Variants in JPH3 observed in about 807,000 individuals in gnomAD.
JPH3 encodes the protein junctophilin 3.
Under a neutral mutation model 59.6 loss-of-function variants are expected in JPH3, and 11 were observed. The observed-to-expected ratio is 0.18, with a 90% CI of 0.12 to 0.31. The LOEUF is 0.31. Ranked by LOEUF, JPH3 falls within the 10% of genes least tolerant of loss-of-function variation. JPH3 has a pLI of 1.00. For missense variants in JPH3, 1,202 were observed against 1,105.7 expected (o/e 1.09, Z -1.24); for synonymous variants, 673 against 483.6 (o/e 1.39, Z -5.14).
chr16:87,673,921 G>A lies in JPH3; in HGVS notation c.1161-10221G>A, dbSNP rs189529943. ...AGTCTGGGTGACACAGCGAGACTCT[G>A]TCTCAAAAAAATAAAATATAAATAA... On this transcript the variant is annotated intron_variant, in intron 2 of 4. Transcript: ENST00000284262. Among the ~76,000 whole-genome samples the A allele has an allele frequency of 3.0e-3, 450 of 151,420 alleles. 2 individuals carry two copies. Among genetic ancestry groups the A allele is most frequent in the African/African-American group, 0.011 (438 of 41,268 alleles).
At chr16:87,658,818 G>C (rs2032598422) in intron 2 of JPH3, among the ~76,000 whole-genome samples, 1 of 152,260 alleles carries the variant, frequency 6.6e-6, no homozygotes, top group Non-Finnish European at 1.5e-5. Flanking sequence ...GGGGCTTGCT[G>C]TGGGGCTGGT....
At chr16:87,691,681 C>A (rs988491069) in intron 4 of JPH3, among the ~76,000 whole-genome samples, 2 of 152,184 alleles carry the variant, frequency 1.3e-5, no homozygotes, top group African/African-American at 4.8e-5. Context: ...CTGTTTCTGC[C>A]TCTCCTTGGA....
chr16:87,603,296 G>C lies in JPH3; in HGVS notation c.150G>C (p.Leu50=). 6.2e-7 allele frequency: 1 copy of C among 1,613,478 alleles called. No homozygotes were observed. Among genetic ancestry groups the C allele is most frequent in the Non-Finnish European group, 8.5e-7 (1 of 1,179,902 alleles). Residue 50 remains leucine, a synonymous_variant, in exon 1 of 5, where the codon CTG becomes CTC. Transcript: ENST00000284262. ...CGTGGAGCCACGGCTTCGAGGTGCTGGGCGTCTACACCTGGCCCAGCGGCA... is the reference window on the plus strand; with the variant it reads ...CGTGGAGCCACGGCTTCGAGGTGCTCGGCGTCTACACCTGGCCCAGCGGCA... The part of the protein sequence containing the change: ...TGSWSHGFEV[L]GVYTWPSGNT...
At position 87,696,935 on chromosome 16, in the gene JPH3, G is replaced by C; in HGVS notation, c.*275G>C. ...CACGCAGCCCCTCCAGCTCCACGTG[G>C]AGACAGAAGGGATCCCGGCACATCA... is the stretch of plus-strand genomic sequence containing the variant. On this transcript the variant is annotated 3_prime_UTR_variant, in exon 5 of 5. Coordinates refer to ENST00000284262, the MANE Select transcript of JPH3 (RefSeq NM_020655.4). 4.5e-6 allele frequency: 2 copies of C among 443,262 alleles called. No homozygotes were observed. The highest frequency in any genetic ancestry group is 8.4e-6 in the Non-Finnish European group (2 of 239,084). The allele number at this position is 443,262 out of a possible 1,614,324, so 27.5% of individuals were successfully genotyped here. A position where few individuals can be genotyped will look rare whatever the true frequency, so the allele number is the denominator to read the frequency against.
Position 87,697,958 on chromosome 16 carries a change from C to A in JPH3, c.*1298C>A, listed in dbSNP as rs1042989701. 2 of 152,558 alleles carry A rather than the reference C, an allele frequency of 1.3e-5. No homozygotes were observed. Among genetic ancestry groups the A allele is most frequent in the African/African-American group, 4.8e-5 (2 of 41,450 alleles). 9.5% of individuals were successfully genotyped at this position (152,558 alleles called of 1,614,324 possible). A position where few individuals can be genotyped will look rare whatever the true frequency, so the allele number is the denominator to read the frequency against. The stretch of plus-strand genomic sequence containing the variant: ...GGTCCGGGCACGGCCATACGCAGGA[C>A]CCCTGTGCCCGGGGAGGCGCTGCAG... On this transcript the variant is annotated 3_prime_UTR_variant, in exon 5 of 5. Transcript: ENST00000284262.
intron 1 of JPH3, among the ~76,000 whole-genome samples, chr16:87,633,268 G>A (rs1032385847): frequency 4.0e-5 from 6 of 151,384 alleles, no homozygotes; most frequent in Non-Finnish European, 7.4e-5. Flanking sequence ...AAGACACCAG[G>A]CCTATTGGAT....
chr16:87,669,084 C>T (rs867009307), intron 2 of JPH3, among the ~76,000 whole-genome samples: 1 of 152,324 alleles, frequency 6.6e-6, no homozygotes, highest in African/African-American at 2.4e-5. Context: ...GGCACAGGGG[C>T]GTGGAGGCGT....
Position 87,602,907 on chromosome 16 carries a change from C to T in JPH3, c.-240C>T, listed in dbSNP as rs2030302635. On this transcript the variant is annotated 5_prime_UTR_variant, in exon 1 of 5. Transcript: ENST00000284262. Reference sequence around the variant, plus strand: ...CCTCCGGTCCTGTCTCCAGCGGGAGCGCGAGACGCTGGTCAGGCTCCGCGG... The same window carrying T: ...CCTCCGGTCCTGTCTCCAGCGGGAGTGCGAGACGCTGGTCAGGCTCCGCGG... 3.5e-6 allele frequency: 1 copy of T among 288,766 alleles called. No individual in the cohort carries two copies. The highest frequency in any genetic ancestry group is 6.4e-6 in the Non-Finnish European group (1 of 157,344). 17.9% of individuals were successfully genotyped at this position (288,766 alleles called of 1,614,324 possible).
At chr16:87,648,864 C>A (rs1380637876) in intron 2 of JPH3, among the ~76,000 whole-genome samples, 1 of 152,186 alleles carries the variant, frequency 6.6e-6, no homozygotes, top group Non-Finnish European at 1.5e-5. Context: ...CTCATCATGT[C>A]TAGGTGGGGG....
At chr16:87,649,849 C>T (rs975969021) in intron 2 of JPH3, among the ~76,000 whole-genome samples, 8 of 152,174 alleles carry the variant, frequency 5.3e-5, no homozygotes, top group African/African-American at 1.9e-4. Context: ...CGGGGTGGCC[C>T]ATGTGAAAGC....
intron 1 of JPH3, among the ~76,000 whole-genome samples, chr16:87,631,694 C>T (rs1433407623): frequency 1.3e-5 from 2 of 152,144 alleles, no homozygotes; most frequent in African/African-American, 2.4e-5. Flanking sequence ...TTCTAGAACT[C>T]CTGCTGTTTA....
At chr16:87,615,710 C>T (rs756211957) in intron 1 of JPH3, among the ~76,000 whole-genome samples, 2 of 152,214 alleles carry the variant, frequency 1.3e-5, no homozygotes, top group African/African-American at 2.4e-5. Context: ...CCAGGAATGC[C>T]GGGGAGGGTC....
intron 1 of JPH3, among the ~76,000 whole-genome samples, chr16:87,642,592 G>A (rs1369093417): frequency 2.0e-5 from 3 of 152,244 alleles, no homozygotes; most frequent in Admixed American, 1.3e-4. Flanking sequence ...AGTTGGAAGA[G>A]TGGTGGACGG....
At chr16:87,677,824 C>G (rs1011694712) in intron 2 of JPH3, among the ~76,000 whole-genome samples, 1 of 152,242 alleles carries the variant, frequency 6.6e-6, no homozygotes, top group African/African-American at 2.4e-5. Context: ...CCACGAACCA[C>G]AATCACAGAA....
At chr16:87,606,632 T>G (rs1350882075) in intron 1 of JPH3, among the ~76,000 whole-genome samples, 1 of 152,206 alleles carries the variant, frequency 6.6e-6, no homozygotes, top group African/African-American at 2.4e-5. Context: ...TTACAAAAGG[T>G]TGATAACAAT....
Position 87,604,496 on chromosome 16 carries a change from G to C in JPH3, c.382+968G>C, listed in dbSNP as rs1027266397. ...CCCCGACCAGTCCACTCCCATGTGG[G>C]AGCTTATCCTCAGAGGCACTGGGTC... On this transcript the variant is annotated intron_variant, in intron 1 of 4. Transcript: ENST00000284262. The C allele has an allele frequency of 3.0e-6, 4 of 1,320,578 alleles. No homozygotes were observed. The African/African-American group carries it at 4.4e-5, about 15-fold the overall frequency. 81.8% of individuals were successfully genotyped at this position (1,320,578 alleles called of 1,614,324 possible).
chr16:87,671,008 C>A (rs2033000299), intron 2 of JPH3, among the ~76,000 whole-genome samples: 1 of 152,180 alleles, frequency 6.6e-6, no homozygotes, highest in African/African-American at 2.4e-5. Flanking sequence ...GTGCCTGGGG[C>A]TGGAATCCTG....
chr16:87,628,234 A>C (rs989107503), intron 1 of JPH3, among the ~76,000 whole-genome samples: 5 of 152,378 alleles, frequency 3.3e-5, no homozygotes, highest in Admixed American at 3.3e-4. Flanking sequence ...CTGGGAGACG[A>C]TGGTGCTGGC....
chr16:87,679,888 G>C (rs543178368), intron 2 of JPH3, among the ~76,000 whole-genome samples: 1 of 152,370 alleles, frequency 6.6e-6, no homozygotes, highest in Admixed American at 6.5e-5. Flanking sequence ...TGGGAGGAGG[G>C]TGCCTGTGTG....
Sources: allele counts gnomAD v4.1 joint callset (sites outside exome capture counted in the v4.1 genomes callset), GRCh38; gene constraint gnomAD v4.1.1; transcripts MANE v1.5; gene names NCBI Gene and HGNC (gene_info 2026-07-23, HGNC 2026-07-21).